ZBTB7A: variants seen among roughly 807,000 people sequenced by gnomAD.
The protein encoded by ZBTB7A is zinc finger and BTB domain-containing protein 7A.
A neutral mutation model predicts 26.7 loss-of-function variants in ZBTB7A; 7 were observed. The ratio of observed to expected loss-of-function variants is 0.26; its 90% CI spans 0.15 to 0.49. The LOEUF is 0.49. Ranked by LOEUF, ZBTB7A falls within the 20% of genes least tolerant of loss-of-function variation. The pLI is 0.98. For missense variants in ZBTB7A, 617 were observed against 919.5 expected, an observed-to-expected ratio of 0.67 and a Z score of 4.25; for synonymous variants, 452 against 441.0, an observed-to-expected ratio of 1.02 and a Z score of -0.31.
intron 2 of ZBTB7A, among the ~76,000 whole-genome samples, chr19:4,049,168 GTATATATATATATATATATA>G (rs1181215162): frequency 1.3e-4 from 2 of 14,960 alleles, no homozygotes; most frequent in Non-Finnish European, 1.2e-4. Flanking sequence ...GTGTGTGTGT[GTATATATATATATATATATA>G]TATATATATA....
In ZBTB7A at chr19:4,066,843, C is replaced by T. The variant is rs2040700146; in HGVS notation, c.-177G>A. The stretch of plus-strand genomic sequence containing the variant: ...GGCGGCGTCACTGCCCCTACAGTAA[C>T]TGTACAGTACAGCCAAAGCCCCGTA... On this transcript the variant is annotated 5_prime_UTR_variant, in exon 1 of 3. Coordinates refer to ENST00000322357, the MANE Select transcript of ZBTB7A (RefSeq NM_015898.4). The T allele has an allele frequency of 6.6e-6, 1 of 152,138 alleles. No individual in the cohort carries two copies. The highest frequency in any genetic ancestry group is 2.0e-4 in the South Asian group (1 of 4,892). 9.4% of individuals were successfully genotyped at this position (152,138 alleles called of 1,614,324 possible). A position where few individuals can be genotyped will look rare whatever the true frequency, so the allele number is the denominator to read the frequency against.
rs559372383 is a variant in ZBTB7A at position 4,059,110 on chromosome 19, T to C, written c.-15-3863A>G. Among the ~76,000 whole-genome samples the C allele has an allele frequency of 7.2e-5, 11 of 152,268 alleles. No individual in the cohort carries two copies. The South Asian group carries it at 2.3e-3, about 32-fold the overall frequency. On this transcript the variant is annotated intron_variant, in intron 1 of 2. Coordinates refer to ENST00000322357, the MANE Select transcript of ZBTB7A (RefSeq NM_015898.4). ...CTGGCCCTGGGCCGCGGGGAGCGTG[T>C]GAGCAGATGGAGCTCCGGATCAGAC... is the stretch of plus-strand genomic sequence containing the variant.
rs1235232708 is a variant in ZBTB7A, at chr19:4,054,439, G to C, written c.794C>G (p.Ala265Gly). ...GCCGTAGTGGCCGTTCTGCGTGGCGGCCGGCGGGGCCACCGGCGGCGGAAA... is the reference window on the plus strand; with the variant it reads ...GCCGTAGTGGCCGTTCTGCGTGGCGCCCGGCGGGGCCACCGGCGGCGGAAA... The part of the protein sequence containing the change: ...GLFPPPVAPP[A>G]ATQNGHYGRG... The change falls in exon 2 of 3, where the codon GCC (alanine) becomes GGC (glycine). Residue 265 changes from alanine (A) to glycine (G), a missense_variant. Physicochemically the swap from Ala to Gly is moderately conservative, Grantham distance 60. Coordinates refer to ENST00000322357, the MANE Select transcript of ZBTB7A (RefSeq NM_015898.4). 7.4e-7 allele frequency: 1 copy of C among 1,358,012 alleles called. No homozygotes were observed. Among genetic ancestry groups the C allele is most frequent in the Non-Finnish European group, 9.4e-7 (1 of 1,062,786 alleles). The allele number at this position is 1,358,012 out of a possible 1,614,324, so 84.1% of individuals were successfully genotyped here.
At chr19:4,051,925 C>T (rs754130187) in intron 2 of ZBTB7A, among the ~76,000 whole-genome samples, 2 of 152,040 alleles carry the variant, frequency 1.3e-5, no homozygotes, top group African/African-American at 2.4e-5. Context: ...ATTATAGCCC[C>T]GGCCACCACA....
At position 4,054,164 on chromosome 19, in the gene ZBTB7A, T is replaced by A; in HGVS notation, c.1069A>T (p.Ser357Cys). The A allele has an allele frequency of 3.1e-6, 5 of 1,601,674 alleles. No individual in the cohort carries two copies. The highest frequency in any genetic ancestry group is 4.2e-6 in the Non-Finnish European group (5 of 1,179,524). The change falls in exon 2 of 3, where the codon AGC becomes TGC. Residue 357 changes from serine (S) to cysteine (C), a missense_variant. By Grantham distance (112) the Ser-to-Cys change is moderately radical. Coordinates refer to ENST00000322357, the MANE Select transcript of ZBTB7A (RefSeq NM_015898.4). ...GVMDYYLKYFSGAHDGDVYPA... is the reference protein window; with the variant it reads ...GVMDYYLKYFCGAHDGDVYPA... ...TAGACGTCGCCGTCGTGGGCGCCGCTGAAGTACTTCAGGTAGTAGTCCATG... is the reference window on the plus strand; with the variant it reads ...TAGACGTCGCCGTCGTGGGCGCCGCAGAAGTACTTCAGGTAGTAGTCCATG...
At chr19:4,049,958 C>T (rs75238923) in intron 2 of ZBTB7A, among the ~76,000 whole-genome samples, 1,660 of 152,268 alleles carry the variant, frequency 0.011, 12 homozygotes, top group Non-Finnish European at 0.018. Context: ...GAGTCTCGCT[C>T]TATCTTCCAG....
rs1034373341 is a variant in ZBTB7A, at chr19:4,048,557, G to A, written c.1263-313C>T. ...TTAAGAGACAAAGTCTAGGCCAGGC[G>A]CGGAGGCTCAGGCCTGAAATCCCAG... On this transcript the variant is annotated intron_variant, in intron 2 of 2. Transcript: ENST00000322357. This position sits in a 1 kb window ranked among gnomAD's most constrained non-coding sequence, Gnocchi z 6.7. Among the ~76,000 whole-genome samples, 3 of 152,068 alleles carry A rather than the reference G, an allele frequency of 2.0e-5. No homozygotes were observed.
intron 2 of ZBTB7A, among the ~76,000 whole-genome samples, chr19:4,053,608 T>A (rs910488267): frequency 6.7e-6 from 1 of 150,096 alleles, no homozygotes; most frequent in Non-Finnish European, 1.5e-5. Context: ...TGCATGTGTA[T>A]GTGATGTGTA....
At chr19:4,051,169 A>G (rs1195543226) in intron 2 of ZBTB7A, among the ~76,000 whole-genome samples, 1 of 151,250 alleles carries the variant, frequency 6.6e-6, no homozygotes, top group Non-Finnish European at 1.5e-5. Flanking sequence ...AATCTATAGT[A>G]ATAAAGTGTA....
chr19:4,051,290 C>T (rs78395957), intron 2 of ZBTB7A, among the ~76,000 whole-genome samples: 7,418 of 151,982 alleles, frequency 0.049, 603 homozygotes, highest in African/African-American at 0.17. Context: ...TGAGCCACCT[C>T]GGGTTTCTTC....
chr19:4,063,271 G>A (rs1471247311), intron 1 of ZBTB7A, among the ~76,000 whole-genome samples: 1 of 152,198 alleles, frequency 6.6e-6, no homozygotes, highest in Non-Finnish European at 1.5e-5. Flanking sequence ...CCGGCTGCAG[G>A]GGTCACGGGG....
At chr19:4,049,164 GTGTGTATA>G (rs1261801325) in intron 2 of ZBTB7A, among the ~76,000 whole-genome samples, 49 of 21,162 alleles carry the variant, frequency 2.3e-3, no homozygotes, top group Admixed American at 4.5e-3. Context: ...GTGTGTGTGT[GTGTGTATA>G]TATATATATA....
rs1455183358 is a variant in ZBTB7A at position 4,054,311 on chromosome 19, C to T, written c.922G>A (p.Gly308Arg). Residue 308 changes from glycine to arginine, a missense_variant, in exon 2 of 3, where the codon GGG becomes AGG. Coordinates refer to ENST00000322357, the MANE Select transcript of ZBTB7A (RefSeq NM_015898.4). Reference sequence around the variant, plus strand: ...GCCGCCAGCCCGTCCACGTCGGGCCCGTCCCCGTCCTCGCCCTCGGCCGCT... The same window carrying T: ...GCCGCCAGCCCGTCCACGTCGGGCCTGTCCCCGTCCTCGCCCTCGGCCGCT... ...SGAAEGEDGDGPDVDGLAAST... is the reference protein window; with the variant it reads ...SGAAEGEDGDRPDVDGLAAST... 4 of 1,527,794 alleles carry T rather than the reference C, an allele frequency of 2.6e-6. No individual in the cohort carries two copies. The highest frequency in any genetic ancestry group is 2.5e-5 in the East Asian group (1 of 39,928). The allele number at this position is 1,527,794 out of a possible 1,614,324, so 94.6% of individuals were successfully genotyped here.
At chr19:4,061,449 C>T (rs892620690) in intron 1 of ZBTB7A, among the ~76,000 whole-genome samples, 75 of 152,068 alleles carry the variant, frequency 4.9e-4, no homozygotes, top group African/African-American at 1.7e-3. Flanking sequence ...TGCCAAGCCC[C>T]GCCTGGCCCA....
intron 1 of ZBTB7A, chr19:4,065,792 A>C (rs2040689880): frequency 7.3e-6 from 1 of 137,440 alleles, no homozygotes; most frequent in African/African-American, 2.6e-5. Context: ...ACGGTTACAC[A>C]ACCAGGCGGG....
intron 2 of ZBTB7A, among the ~76,000 whole-genome samples, chr19:4,050,834 C>T (rs57904377): frequency 0.19 from 28,679 of 151,878 alleles, 2,832 homozygotes; most frequent in African/African-American, 0.24. Flanking sequence ...CATGGTGGCT[C>T]ACACCTGTAA....
In ZBTB7A at chr19:4,044,183, G is replaced by C. The variant is rs1017824107; in HGVS notation, c.*3569C>G. Among the ~76,000 whole-genome samples the C allele has an allele frequency of 6.6e-6, 1 of 151,904 alleles. No homozygotes were observed. The highest frequency in any genetic ancestry group is 2.4e-5 in the African/African-American group (1 of 41,388). Reference sequence around the variant, plus strand: ...ACTTCCAGGGGAAGACCCTGGAAGAGGCTGGGGGACCCCCCTCGGAAGGAA... The same window carrying C: ...ACTTCCAGGGGAAGACCCTGGAAGACGCTGGGGGACCCCCCTCGGAAGGAA... On this transcript the variant is annotated 3_prime_UTR_variant, in exon 3 of 3. Transcript: ENST00000322357.
Position 4,059,299 on chromosome 19 carries a change from G to A in ZBTB7A, c.-15-4052C>T, listed in dbSNP as rs899259553. Among the ~76,000 whole-genome samples, 10 of 152,272 alleles carry A rather than the reference G, an allele frequency of 6.6e-5. 1 individual carries two copies. Among genetic ancestry groups the A allele is most frequent in the Admixed American group, 5.2e-4 (8 of 15,304 alleles). ...GAGGTGTCTTTCCTGGGGCCTGGAG[G>A]ATGGGCCCAAAATAATCCAGGTGGC... is the stretch of plus-strand genomic sequence containing the variant. On this transcript the variant is annotated intron_variant, in intron 1 of 2. Transcript: ENST00000322357.
At chr19:4,049,168 G>GTGTGTATA (rs1403864466) in intron 2 of ZBTB7A, among the ~76,000 whole-genome samples, 1 of 14,954 alleles carries the variant, frequency 6.7e-5, no homozygotes, top group Non-Finnish European at 1.2e-4. Flanking sequence ...GTGTGTGTGT[G>GTGTGTATA]TATATATATA....
Sources: gnomAD v4.1 joint callset for allele counts (sites outside exome capture counted in the v4.1 genomes callset) on GRCh38, gnomAD v4.1.1 for gene constraint, Gnocchi (gnomAD v3.1) non-coding constraint, MANE v1.5 for transcripts, NCBI Gene and HGNC (gene_info 2026-07-23, HGNC 2026-07-21) for gene names.